Variants in PKD1L1 observed in about 807,000 individuals in gnomAD.
PKD1L1 encodes the protein polycystin 1 like 1, transient receptor potential channel interacting, also known as polycystin-1-like protein 1.
A neutral mutation model predicts 323.4 loss-of-function variants in PKD1L1; 236 were observed. That is an observed-to-expected ratio of 0.73 (90% CI 0.66 to 0.81). PKD1L1 has a LOEUF of 0.81. Among genes scored for constraint, PKD1L1 ranks in the 40% least tolerant of loss-of-function variants. The pLI is 0.00. For synonymous variants in PKD1L1, 1,344 were observed against 1,335.0 expected, an observed-to-expected ratio of 1.01 and a Z score of -0.15; for missense variants, 3,320 against 3,508.0, an observed-to-expected ratio of 0.95 and a Z score of 1.35.
chr7:47,927,549 C>G (rs1787679062), intron 7 of PKD1L1, among the ~76,000 whole-genome samples: 1 of 152,148 alleles, frequency 6.6e-6, no homozygotes, highest in South Asian at 2.1e-4. Flanking sequence ...CAGGCGTGAG[C>G]CACCACATCC....
At chr7:47,853,745 AAAAC>A (rs1172940521) in intron 30 of PKD1L1, among the ~76,000 whole-genome samples, 7 of 146,568 alleles carry the variant, frequency 4.8e-5, no homozygotes, top group Non-Finnish European at 8.9e-5. Flanking sequence ...CTCTGTCTCA[AAAAC>A]AAACAAACAA....
chr7:47,814,256 A>C (rs1032795913), intron 47 of PKD1L1, among the ~76,000 whole-genome samples: 20 of 152,252 alleles, frequency 1.3e-4, no homozygotes, highest in Admixed American at 1.2e-3. Flanking sequence ...AACTTTCGTC[A>C]CATGAGAATG....
At position 47,839,495 on chromosome 7, in the gene PKD1L1, C is replaced by T. The variant is rs760659567; in HGVS notation, c.5720G>A (p.Arg1907His). Residue 1907 changes from arginine to histidine, a missense_variant, in exon 36 of 57, where the codon CGC becomes CAC. Transcript: ENST00000289672. The surrounding 1 kb of genome is among the most constrained non-coding windows in gnomAD (Gnocchi z 4.3). ...CAGACAGGTGAGCTCCCGCTCCACGCGACCATCATGCCTGCCGGCAGACAG... is the reference window on the plus strand; with the variant it reads ...CAGACAGGTGAGCTCCCGCTCCACGTGACCATCATGCCTGCCGGCAGACAG... ...CWLSAGRHDGRVERELTCLQG... is the reference protein window; with the variant it reads ...CWLSAGRHDGHVERELTCLQG... The T allele has an allele frequency of 2.8e-5, 45 of 1,612,312 alleles. No homozygotes were observed. Among genetic ancestry groups the T allele is most frequent in the African/African-American group, 5.3e-5 (4 of 74,928 alleles).
rs149488665 is a variant in PKD1L1 at position 47,910,805 on chromosome 7, C to T, written c.1229-2555G>A. 1.2e-3 allele frequency among the ~76,000 whole-genome samples: 172 copies of T among 141,806 alleles called. 1 individual carries two copies. Among genetic ancestry groups the T allele is most frequent in the African/African-American group, 4.6e-3 (164 of 35,986 alleles). The allele number at this position is 141,806 out of a possible 152,430, so 93.0% of individuals were successfully genotyped here. ...CCAAGTAGCTCGGATTACAGGTGTCCGCCACCACGCCCAGCTGATTTTGTG... is the reference window on the plus strand; with the variant it reads ...CCAAGTAGCTCGGATTACAGGTGTCTGCCACCACGCCCAGCTGATTTTGTG... On this transcript the variant is annotated intron_variant, in intron 8 of 56. Coordinates refer to ENST00000289672, the MANE Select transcript of PKD1L1 (RefSeq NM_138295.5).
At chr7:47,857,966 C>T (rs1562961487) in intron 27 of PKD1L1, 134 bp from the exon 28 acceptor site, 7 of 796,538 alleles carry the variant, frequency 8.8e-6, no homozygotes, top group South Asian at 1.8e-5. Flanking sequence ...GAAGCAAGAG[C>T]GCAGGTCTTA....
In PKD1L1 at chr7:47,834,968, A is replaced by T; in HGVS notation, c.6126T>A (p.His2042Gln). The change falls in exon 39 of 57, where the codon CAT (histidine) becomes CAA (glutamine). Residue 2042 changes from histidine (H) to glutamine (Q), a missense_variant and splice_region_variant. Physicochemically the swap from His to Gln is conservative, Grantham distance 24. Coordinates refer to ENST00000289672, the MANE Select transcript of PKD1L1 (RefSeq NM_138295.5). Reference sequence around the variant, plus strand: ...CTGAGAGTTTTAATGTACATTTACCATGGGGTGCCTCGGTCTGTGCTCCTC... The same window carrying T: ...CTGAGAGTTTTAATGTACATTTACCTTGGGGTGCCTCGGTCTGTGCTCCTC... ...LRGGAQTEAP[H>Q]GPNSWGRIPD... 1 of 1,613,264 alleles carries T rather than the reference A, an allele frequency of 6.2e-7. No homozygotes were observed. Among genetic ancestry groups the T allele is most frequent in the Non-Finnish European group, 8.5e-7 (1 of 1,179,338 alleles).
At chr7:47,947,016 A>G (rs1788110969) in intron 1 of PKD1L1, among the ~76,000 whole-genome samples, 1 of 152,234 alleles carries the variant, frequency 6.6e-6, no homozygotes, top group Admixed American at 6.5e-5. Flanking sequence ...TTGGGCCAAC[A>G]TCAAGGCTCT....
chr7:47,948,581 G>T (rs1260069716), upstream of PKD1L1: 2 of 726,972 alleles, frequency 2.8e-6, no homozygotes, highest in Non-Finnish European at 4.5e-6. Flanking sequence ...AAACACAGAG[G>T]GAAAAATCCA....
At position 47,794,147 on chromosome 7, in the gene PKD1L1, T is replaced by G. The variant is rs112513543; in HGVS notation, c.8356-1350A>C. ...GAAAAACTCATTTTCTGGGGAGAAG[T>G]TCAAGCCAGCTGCAGAAATTTGCAT... is the stretch of plus-strand genomic sequence containing the variant. On this transcript the variant is annotated intron_variant, in intron 55 of 56. Coordinates refer to ENST00000289672, the MANE Select transcript of PKD1L1 (RefSeq NM_138295.5). Among the ~76,000 whole-genome samples the G allele has an allele frequency of 6.7e-3, 1,020 of 152,192 alleles. 13 individuals are homozygous for G. Among genetic ancestry groups the G allele is most frequent in the African/African-American group, 0.023 (965 of 41,516 alleles).
At chr7:47,952,180 T>C (rs1788214110), upstream of PKD1L1, among the ~76,000 whole-genome samples, 1 of 152,184 alleles carries the variant, frequency 6.6e-6, no homozygotes, top group Non-Finnish European at 1.5e-5. Flanking sequence ...GGCAAATTTT[T>C]GTAATTAGTT....
At chr7:47,811,316 G>A (rs112619876) in intron 50 of PKD1L1, among the ~76,000 whole-genome samples, 31,346 of 151,936 alleles carry the variant, frequency 0.21, 3,387 homozygotes, top group Middle Eastern at 0.26. Flanking sequence ...CACCATGCCC[G>A]GCTAATTTTT....
chr7:47,947,191 C>T (rs1294531771), intron 1 of PKD1L1, among the ~76,000 whole-genome samples: 1 of 152,250 alleles, frequency 6.6e-6, no homozygotes, highest in African/African-American at 2.4e-5. Context: ...TCAACACGTG[C>T]AGCCTCATTT....
At position 47,876,236 on chromosome 7, in the gene PKD1L1, G is replaced by A. The variant is rs773218379; in HGVS notation, c.3664-19C>T. 4 of 1,612,018 alleles carry A rather than the reference G, an allele frequency of 2.5e-6. No individual in the cohort carries two copies. The highest frequency in any genetic ancestry group is 2.5e-6 in the Non-Finnish European group (3 of 1,178,774). On this transcript the variant is annotated intron_variant, in intron 22 of 56. Transcript: ENST00000289672. ...GGAAGTCCTATGATCCAGTCCAAGG[G>A]AGCAAAAATAGTATAAATGAACACA...
chr7:47,857,730 C>A lies in PKD1L1; in HGVS notation c.4465G>T (p.Val1489Leu), dbSNP rs766501476. ...CCAGCAAGGTCACCAGGTAAATGCA[C>A]CTGGACAGATCCCAGGCTCTGGACA... ...SSVQSLGSVQVHLPGDLAGHS... is the reference protein window; with the variant it reads ...SSVQSLGSVQLHLPGDLAGHS... The change falls in exon 28 of 57, where the codon GTG becomes TTG. Residue 1489 changes from valine (V) to leucine (L), a missense_variant. By Grantham distance (32) the Val-to-Leu change is conservative. Transcript: ENST00000289672. The A allele has an allele frequency of 1.5e-5, 25 of 1,613,872 alleles. No individual in the cohort carries two copies. In the South Asian group the frequency reaches 2.5e-4, roughly 16 times the overall value.
chr7:47,858,657 A>G lies in PKD1L1; in HGVS notation c.4362+16T>C. The G allele has an allele frequency of 6.3e-7, 1 of 1,596,016 alleles. No individual in the cohort carries two copies. Among genetic ancestry groups the G allele is most frequent in the South Asian group, 1.1e-5 (1 of 90,682 alleles). Reference sequence around the variant, plus strand: ...GGAAACAGTATTTTTATGGATGGAGAAAAAGTGTGACTTACCAACAATAAA... The same window carrying G: ...GGAAACAGTATTTTTATGGATGGAGGAAAAGTGTGACTTACCAACAATAAA... On this transcript the variant is annotated intron_variant, in intron 27 of 56. Transcript: ENST00000289672.
chr7:47,843,250 C>T lies in PKD1L1; in HGVS notation c.5238-81G>A, dbSNP rs1785599492. 5 of 1,067,558 alleles carry T rather than the reference C, an allele frequency of 4.7e-6. No homozygotes were observed. The South Asian group carries it at 4.8e-5, about 10-fold the overall frequency. 66.1% of individuals were successfully genotyped at this position (1,067,558 alleles called of 1,614,324 possible). Reference sequence around the variant, plus strand: ...AAAAGACTGATTGCCACCCCTAGCCCCTTACACACAAAAGTCCCTGCTGGG... The same window carrying T: ...AAAAGACTGATTGCCACCCCTAGCCTCTTACACACAAAAGTCCCTGCTGGG... On this transcript the variant is annotated intron_variant, in intron 33 of 56. Transcript: ENST00000289672.
rs574287803 is a variant in PKD1L1, at chr7:47,823,447, G to A, written c.6855-2261C>T. ...TCTTTATTTATTTTTGCTTCTTTGC[G>A]ATTTATTTGTTGAGCAAGTGGTTAT... On this transcript the variant is annotated intron_variant, in intron 45 of 56. Coordinates refer to ENST00000289672, the MANE Select transcript of PKD1L1 (RefSeq NM_138295.5). Among the ~76,000 whole-genome samples the A allele has an allele frequency of 1.8e-4, 27 of 152,034 alleles. No homozygotes were observed. In the South Asian group the frequency reaches 2.7e-3, roughly 15 times the overall value.
At position 47,775,092 on chromosome 7, in the gene PKD1L1, G is replaced by T; in HGVS notation, c.*51C>A. The T allele has an allele frequency of 6.3e-7, 1 of 1,595,420 alleles. No individual in the cohort carries two copies. The highest frequency in any genetic ancestry group is 8.5e-7 in the Non-Finnish European group (1 of 1,169,866). On this transcript the variant is annotated 3_prime_UTR_variant, in exon 57 of 57. Coordinates refer to ENST00000289672, the MANE Select transcript of PKD1L1 (RefSeq NM_138295.5). ...GATGTCTGCTAAAATTGGCTGTTGG[G>T]TGGGTTAAGCAAAACAGGGTCCATA... is the stretch of plus-strand genomic sequence containing the variant.
In PKD1L1 at chr7:47,839,539, GAACCA is replaced by G. The variant is rs1448853519; in HGVS notation, c.5671_5675del (p.Trp1891LeufsTer13). 3.1e-6 allele frequency: 5 copies of G among 1,610,850 alleles called. No individual in the cohort carries two copies. The highest frequency in any genetic ancestry group is 4.2e-6 in the Non-Finnish European group (5 of 1,179,118). The stretch of plus-strand genomic sequence containing the variant: ...CAGACAGCCAGCACTGGGCAGGGAA[GAACCA>G]GCCCTGTCCCGTGTGCAGCTCCTTC... On this transcript the variant is annotated frameshift_variant, in exon 36 of 57. Transcript: ENST00000289672. LOFTEE classifies it high-confidence loss of function. The surrounding 1 kb of genome is among the most constrained non-coding windows in gnomAD (Gnocchi z 4.3).
Sources: allele counts gnomAD v4.1 joint callset (sites outside exome capture counted in the v4.1 genomes callset), GRCh38; gene constraint gnomAD v4.1.1; non-coding constraint Gnocchi (gnomAD v3.1); transcripts MANE v1.5; gene names NCBI Gene and HGNC (gene_info 2026-07-23, HGNC 2026-07-21).